The following CTNNBL1 variants were observed in gnomAD, a reference collection of about 807,000 sequenced individuals.
CTNNBL1 encodes beta-catenin-like protein 1.
In CTNNBL1, 31 loss-of-function variants were observed where a neutral mutation model predicts 72.7. The ratio of observed to expected loss-of-function variants is 0.43; its 90% CI spans 0.32 to 0.58. The LOEUF (loss-of-function observed/expected upper bound fraction) is 0.58, where lower values mean the gene tolerates loss of function less well. Ranked by LOEUF, CTNNBL1 falls within the 20% of genes least tolerant of loss-of-function variation. The pLI, the probability that CTNNBL1 is intolerant of heterozygous loss-of-function variation, is 0.08. For missense variants in CTNNBL1, 534 were observed against 725.1 expected (o/e 0.74, Z 3.03); for synonymous variants, 240 against 267.3 (o/e 0.90, Z 1.00).
chr20:37,772,449 C>T (rs1412599783), intron 7 of CTNNBL1, among the ~76,000 whole-genome samples: 2 of 152,142 alleles, frequency 1.3e-5, no homozygotes, highest in African/African-American at 2.4e-5. Context: ...CCTGGGTTCA[C>T]GCCATTCTCC....
intron 7 of CTNNBL1, among the ~76,000 whole-genome samples, chr20:37,774,785 T>C (rs1478881426): frequency 1.3e-5 from 2 of 152,250 alleles, no homozygotes; most frequent in East Asian, 3.8e-4. Flanking sequence ...CTAATGCAGA[T>C]ATTTCTGGTT....
chr20:37,776,738 A>C (rs1182867674), intron 7 of CTNNBL1, among the ~76,000 whole-genome samples: 1 of 152,208 alleles, frequency 6.6e-6, no homozygotes, highest in Non-Finnish European at 1.5e-5. Context: ...AATTGTGGGT[A>C]GTAATTTGGG....
At chr20:37,727,139 G>C (rs1043985569) in intron 1 of CTNNBL1, among the ~76,000 whole-genome samples, 7 of 151,900 alleles carry the variant, frequency 4.6e-5, no homozygotes, top group African/African-American at 1.7e-4. Flanking sequence ...TATAGCTACA[G>C]CTTCTCACTG....
At chr20:37,830,737 G>A (rs1171712516) in intron 11 of CTNNBL1, among the ~76,000 whole-genome samples, 1 of 152,136 alleles carries the variant, frequency 6.6e-6, no homozygotes, top group African/African-American at 2.4e-5. Context: ...TCATAGCTCA[G>A]CCTCACCTAC....
intron 11 of CTNNBL1, among the ~76,000 whole-genome samples, chr20:37,825,685 A>C (rs2072153565): frequency 6.6e-6 from 1 of 152,084 alleles, no homozygotes; most frequent in Admixed American, 6.5e-5. Flanking sequence ...CAAAAAAAAA[A>C]GTAGTAAGAG....
chr20:37,840,311 CTGGCACCT>C (rs1330366707), intron 12 of CTNNBL1, 112 bp downstream of exon 12: 15 of 757,240 alleles, frequency 2.0e-5, no homozygotes, highest in Non-Finnish European at 3.4e-5. Flanking sequence ...ATTCTCTTTT[CTGGCACCT>C]GGGCCCTGTT....
intron 11 of CTNNBL1, among the ~76,000 whole-genome samples, chr20:37,837,405 G>C (rs921881889): frequency 1.3e-5 from 2 of 152,068 alleles, no homozygotes; most frequent in African/African-American, 4.8e-5. Context: ...GGGGAGCCTG[G>C]GGTCTTGAGA....
At chr20:37,831,541 AT>A (rs1386816143) in intron 11 of CTNNBL1, among the ~76,000 whole-genome samples, 1 of 151,538 alleles carries the variant, frequency 6.6e-6, no homozygotes, top group Non-Finnish European at 1.5e-5. Context: ...AATTTTTTGT[AT>A]TTTTTAGTAG....
intron 11 of CTNNBL1, among the ~76,000 whole-genome samples, chr20:37,806,538 A>G (rs1285652379): frequency 1.3e-5 from 2 of 152,210 alleles, no homozygotes; most frequent in African/African-American, 4.8e-5. Context: ...AGAGTCATAC[A>G]CATTCAGCAG....
At chr20:37,761,951 G>A (rs1231518900) in intron 5 of CTNNBL1, among the ~76,000 whole-genome samples, 1 of 152,234 alleles carries the variant, frequency 6.6e-6, no homozygotes, top group Non-Finnish European at 1.5e-5. Context: ...GGGGCGAGGG[G>A]AGAAAGCAGA....
intron 11 of CTNNBL1, among the ~76,000 whole-genome samples, chr20:37,817,182 A>G (rs4574168): frequency 1 from 152,250 of 152,328 alleles, 76,086 homozygotes; most frequent in Middle Eastern, 1. Flanking sequence ...TTGATCCCGG[A>G]CTTCAGTCTC....
intron 1 of CTNNBL1, among the ~76,000 whole-genome samples, chr20:37,714,164 C>T (rs59936192): frequency 0.098 from 14,898 of 152,072 alleles, 1,040 homozygotes; most frequent in African/African-American, 0.19. Context: ...TCTACTCTGC[C>T]TGCCACTCTC....
At chr20:37,864,961 T>C (rs1165699055) in intron 15 of CTNNBL1, among the ~76,000 whole-genome samples, 1 of 151,822 alleles carries the variant, frequency 6.6e-6, no homozygotes, top group African/African-American at 2.4e-5. Context: ...GAAAGTGGGG[T>C]AACAAGGAAA....
intron 1 of CTNNBL1, among the ~76,000 whole-genome samples, chr20:37,730,622 T>C (rs1241842467): frequency 6.6e-6 from 1 of 152,204 alleles, no homozygotes. Flanking sequence ...TCACTACTGC[T>C]CTGTTTTATT....
intron 13 of CTNNBL1, among the ~76,000 whole-genome samples, chr20:37,856,996 C>T (rs1346518273): frequency 6.6e-6 from 1 of 152,202 alleles, no homozygotes; most frequent in African/African-American, 2.4e-5. Context: ...GAATCAGACA[C>T]GATTCCTATC....
At chr20:37,742,034 T>G (rs774434316) in intron 3 of CTNNBL1, among the ~76,000 whole-genome samples, 7 of 152,160 alleles carry the variant, frequency 4.6e-5, no homozygotes, top group Non-Finnish European at 8.8e-5. Context: ...GTGAGAAGGA[T>G]CTAACTTTCC....
At chr20:37,751,411 G>A (rs921457066) in intron 4 of CTNNBL1, 1 of 152,150 alleles carries the variant, frequency 6.6e-6, no homozygotes, top group Non-Finnish European at 1.5e-5. Flanking sequence ...GCTCTTTTTG[G>A]TGTGGAATAA....
chr20:37,761,492 T>C (rs988183202), intron 5 of CTNNBL1, among the ~76,000 whole-genome samples: 4 of 152,238 alleles, frequency 2.6e-5, no homozygotes, highest in African/African-American at 9.6e-5. Flanking sequence ...CTGGATTCTA[T>C]TCCTTCCCAT....
intron 1 of CTNNBL1, among the ~76,000 whole-genome samples, chr20:37,719,840 C>T (rs1407283842): frequency 3.4e-5 from 5 of 148,722 alleles, no homozygotes; most frequent in Admixed American, 6.7e-5. Context: ...TTTTTCTTTT[C>T]TTTTCTTTTT....
Sources: allele counts gnomAD v4.1 joint callset (sites outside exome capture counted in the v4.1 genomes callset), GRCh38; gene constraint gnomAD v4.1.1; transcripts MANE v1.5; gene names NCBI Gene and HGNC (gene_info 2026-07-23, HGNC 2026-07-21).